Variants in TMEM132B observed in about 807,000 individuals in gnomAD.
The protein encoded by TMEM132B is transmembrane protein 132B.
TMEM132B carries 18 observed loss-of-function variants against 90.8 expected under a neutral mutation model. The ratio of observed to expected loss-of-function variants is 0.20; its 90% CI spans 0.14 to 0.29. TMEM132B has a LOEUF of 0.29. Among genes scored for constraint, TMEM132B ranks in the 10% least tolerant of loss-of-function variants. The pLI, the probability that TMEM132B is intolerant of heterozygous loss-of-function variation, is 1.00. For synonymous variants in TMEM132B, 504 were observed against 523.3 expected, an observed-to-expected ratio of 0.96 and a Z score of 0.50; for missense variants, 1,096 against 1,326.8, an observed-to-expected ratio of 0.83 and a Z score of 2.70.
chr12:125,198,277 C>T (rs1872974604), intron 1 of TMEM132B, among the ~76,000 whole-genome samples: 1 of 152,160 alleles, frequency 6.6e-6, no homozygotes, highest in African/African-American at 2.4e-5. Flanking sequence ...TGTAGGCATC[C>T]TTGGAGCTGG....
chr12:125,425,984 A>T (rs1409813670), intron 3 of TMEM132B, among the ~76,000 whole-genome samples: 1 of 152,150 alleles, frequency 6.6e-6, no homozygotes, highest in East Asian at 1.9e-4. Flanking sequence ...TTGCTGGATC[A>T]TATGATAAGA....
At chr12:125,515,699 TCACA>T (rs369817948) in intron 3 of TMEM132B, among the ~76,000 whole-genome samples, 4 of 151,058 alleles carry the variant, frequency 2.6e-5, no homozygotes, top group Non-Finnish European at 5.9e-5. Context: ...CCTCCCACAC[TCACA>T]CAACACATTC....
At chr12:125,270,146 G>C (rs12813332) in intron 1 of TMEM132B, among the ~76,000 whole-genome samples, 14,212 of 149,790 alleles carry the variant, frequency 0.095, 927 homozygotes, top group Non-Finnish European at 0.14. Flanking sequence ...GTGTGTGTGT[G>C]TGTTTTAAGA....
intron 1 of TMEM132B, among the ~76,000 whole-genome samples, chr12:125,309,645 G>A (rs954975460): frequency 5.9e-5 from 9 of 152,244 alleles, no homozygotes; most frequent in Admixed American, 4.6e-4. Flanking sequence ...AAGAGCTAAC[G>A]GAGATGTGCT....
chr12:125,485,998 A>G (rs1882191152), intron 3 of TMEM132B, among the ~76,000 whole-genome samples: 1 of 152,182 alleles, frequency 6.6e-6, no homozygotes, highest in African/African-American at 2.4e-5. Flanking sequence ...CAAGAAAATA[A>G]TGCATCTCTC....
intron 3 of TMEM132B, among the ~76,000 whole-genome samples, chr12:125,491,481 G>C (rs185548056): frequency 6.6e-6 from 1 of 152,282 alleles, no homozygotes; most frequent in East Asian, 1.9e-4. Flanking sequence ...CTTCAAAGCC[G>C]CAGCTCACCA....
intron 2 of TMEM132B, among the ~76,000 whole-genome samples, chr12:125,355,997 G>A (rs535636382): frequency 1.2e-4 from 18 of 152,252 alleles, no homozygotes; most frequent in African/African-American, 4.3e-4. Context: ...GGGTTTGGAG[G>A]GGGCTGGGGG....
In TMEM132B at chr12:125,335,901, C is replaced by T. The variant is rs547092798; in HGVS notation, c.68-13551C>T. Among the ~76,000 whole-genome samples, 19 of 152,228 alleles carry T rather than the reference C, an allele frequency of 1.2e-4. No homozygotes were observed. The South Asian group carries it at 3.9e-3, about 32-fold the overall frequency. On this transcript the variant is annotated intron_variant, in intron 1 of 8. Coordinates refer to ENST00000682704, the MANE Select transcript of TMEM132B (RefSeq NM_001366854.1). ...ACTTGGGAGGCTGAGGAAGGAGAATCGCTTGAATCTGGGAGGGGGAGGTGG... is the reference window on the plus strand; with the variant it reads ...ACTTGGGAGGCTGAGGAAGGAGAATTGCTTGAATCTGGGAGGGGGAGGTGG...
intron 2 of TMEM132B, among the ~76,000 whole-genome samples, chr12:125,355,302 G>A (rs1329080890): frequency 1.3e-5 from 2 of 152,152 alleles, no homozygotes; most frequent in Non-Finnish European, 2.9e-5. Context: ...TCAAAGGCAG[G>A]CAGAGGAATG....
chr12:125,349,201 A>T lies in TMEM132B; in HGVS notation c.68-251A>T, dbSNP rs186123202. Reference sequence around the variant, plus strand: ...GCAGAAGCAATGTTTTCCCTTTAGAAAGATAACTGTTCACCCCCAAGACTA... The same window carrying T: ...GCAGAAGCAATGTTTTCCCTTTAGATAGATAACTGTTCACCCCCAAGACTA... On this transcript the variant is annotated intron_variant, in intron 1 of 8. Transcript: ENST00000682704. This position sits in a 1 kb window ranked among gnomAD's most constrained non-coding sequence, Gnocchi z 4.1. Among the ~76,000 whole-genome samples the T allele has an allele frequency of 1.6e-4, 24 of 152,256 alleles. No homozygotes were observed. Among genetic ancestry groups the T allele is most frequent in the Admixed American group, 1.3e-4 (2 of 15,292 alleles).
chr12:125,450,906 A>G (rs1881131840), intron 3 of TMEM132B, among the ~76,000 whole-genome samples: 1 of 152,162 alleles, frequency 6.6e-6, no homozygotes, highest in East Asian at 1.9e-4. Flanking sequence ...GCAATGTGTG[A>G]TTTAACTGGA....
chr12:125,290,259 C>G (rs1034237862), intron 1 of TMEM132B, among the ~76,000 whole-genome samples: 5 of 152,200 alleles, frequency 3.3e-5, no homozygotes, highest in Non-Finnish European at 4.4e-5. Flanking sequence ...TTTCAACTTT[C>G]TGCTCTTATT....
chr12:125,440,314 A>G (rs1527132), intron 3 of TMEM132B, among the ~76,000 whole-genome samples: 83,541 of 152,076 alleles, frequency 0.55, 24,462 homozygotes, highest in African/African-American at 0.77. Flanking sequence ...CTGTCAAGAG[A>G]CAGAATTAAA....
At chr12:125,423,004 G>C (rs1191862335) in intron 3 of TMEM132B, among the ~76,000 whole-genome samples, 1 of 152,158 alleles carries the variant, frequency 6.6e-6, no homozygotes, top group Non-Finnish European at 1.5e-5. Flanking sequence ...GCCCAATCCT[G>C]GATGCCCATC....
At chr12:125,636,528 AC>A (rs1057318242) in intron 5 of TMEM132B, among the ~76,000 whole-genome samples, 2 of 152,260 alleles carry the variant, frequency 1.3e-5, no homozygotes, top group African/African-American at 4.8e-5. Context: ...ACACTGTATC[AC>A]TTAGCCTCTA....
intron 3 of TMEM132B, among the ~76,000 whole-genome samples, chr12:125,434,148 A>C (rs1270600258): frequency 6.6e-6 from 1 of 152,138 alleles, no homozygotes; most frequent in Non-Finnish European, 1.5e-5. Context: ...TCCCGCTTGC[A>C]GGGGCTGCCC....
chr12:125,523,175 C>T (rs982766460), intron 4 of TMEM132B, among the ~76,000 whole-genome samples: 2 of 152,162 alleles, frequency 1.3e-5, no homozygotes, highest in African/African-American at 4.8e-5. Flanking sequence ...TAACAAATTA[C>T]CATAAACTCA....
intron 5 of TMEM132B, among the ~76,000 whole-genome samples, chr12:125,616,128 C>A (rs1885980084): frequency 7.2e-6 from 1 of 138,130 alleles, no homozygotes; most frequent in African/African-American, 2.7e-5. Flanking sequence ...GTGATGTTCC[C>A]CTTCCTGTGT....
chr12:125,513,868 G>A (rs555268401), intron 3 of TMEM132B, among the ~76,000 whole-genome samples: 1 of 151,904 alleles, frequency 6.6e-6, no homozygotes, highest in East Asian at 1.9e-4. Context: ...CTTCCACTTC[G>A]TGTTCATGAT....
Sources: gnomAD v4.1 joint callset for allele counts (sites outside exome capture counted in the v4.1 genomes callset) on GRCh38, gnomAD v4.1.1 for gene constraint, Gnocchi (gnomAD v3.1) non-coding constraint, MANE v1.5 for transcripts, NCBI Gene and HGNC (gene_info 2026-07-23, HGNC 2026-07-21) for gene names.